Variants in ROBO2 observed in about 807,000 individuals in gnomAD.
ROBO2 encodes the protein roundabout homolog 2.
Under a neutral mutation model 160.8 loss-of-function variants are expected in ROBO2, and 53 were observed. The ratio of observed to expected loss-of-function variants is 0.33; its 90% confidence interval spans 0.26 to 0.41. The LOEUF is 0.41. Among genes scored for constraint, ROBO2 ranks in the 10% least tolerant of loss-of-function variants. The pLI is 1.00. For synonymous variants in ROBO2, 664 were observed against 611.7 expected, an observed-to-expected ratio of 1.09 and a Z score of -1.26; for missense variants, 1,577 against 1,722.4, an observed-to-expected ratio of 0.92 and a Z score of 1.49.
chr3:76,341,405 G>A (rs111567884), intron 2 of ROBO2, among the ~76,000 whole-genome samples: 2 of 111,518 alleles, frequency 1.8e-5, no homozygotes, highest in African/African-American at 7.3e-5. Context: ...AATGCTTTTC[G>A]CTTTTTTAAA....
intron 2 of ROBO2, among the ~76,000 whole-genome samples, chr3:76,781,339 T>C (rs12330773): frequency 0.01 from 1,550 of 150,786 alleles, 22 homozygotes; most frequent in African/African-American, 0.035. Flanking sequence ...ATATATAAGA[T>C]CAGGTTATAT....
intron 2 of ROBO2, among the ~76,000 whole-genome samples, chr3:77,295,324 G>A (rs202207163): frequency 6.7e-6 from 1 of 150,364 alleles, no homozygotes; most frequent in Non-Finnish European, 1.5e-5. Flanking sequence ...AAACGGGTAA[G>A]CTGAGGCTAG....
intron 2 of ROBO2, among the ~76,000 whole-genome samples, chr3:76,939,634 A>T (rs1296215383): frequency 2.0e-5 from 3 of 152,106 alleles, no homozygotes; most frequent in African/African-American, 7.2e-5. Context: ...TGTACAAATT[A>T]TTAGCCAGGC....
At chr3:75,939,082 C>G (rs1576222413) in intron 2 of ROBO2, among the ~76,000 whole-genome samples, 3 of 151,956 alleles carry the variant, frequency 2.0e-5, no homozygotes, top group African/African-American at 7.3e-5. Context: ...TAATAGTGAT[C>G]CAGCATGACG....
intron 2 of ROBO2, among the ~76,000 whole-genome samples, chr3:77,348,569 T>A (rs1394663701): frequency 6.6e-6 from 1 of 152,178 alleles, no homozygotes; most frequent in Non-Finnish European, 1.5e-5. Context: ...CCGGTAAGTT[T>A]CAGCCTTATT....
At chr3:77,416,733 A>T (rs1163780041) in intron 2 of ROBO2, among the ~76,000 whole-genome samples, 1 of 151,732 alleles carries the variant, frequency 6.6e-6, no homozygotes, top group African/African-American at 2.4e-5. Context: ...AAAAAAAAAA[A>T]AAAAGAAAGG....
rs547954633 is a variant in ROBO2, at chr3:76,238,402, C to T, written c.109+300800C>T. ...GCCACTTATACAAAATCATCAGACA[C>T]CTTACTAACTCTCCTGAGAAGAGCA... On this transcript the variant is annotated intron_variant, in intron 2 of 26. Transcript: ENST00000487694. 3.9e-5 allele frequency among the ~76,000 whole-genome samples: 6 copies of T among 152,250 alleles called. No homozygotes were observed. The South Asian group carries it at 1.2e-3, about 32-fold the overall frequency.
At chr3:77,469,809 A>T (rs2083167331) in intron 2 of ROBO2, among the ~76,000 whole-genome samples, 1 of 152,182 alleles carries the variant, frequency 6.6e-6, no homozygotes, top group Non-Finnish European at 1.5e-5. Context: ...TTTATATCAT[A>T]AAAAAGGGGT....
chr3:76,850,264 T>C (rs1412681864), intron 2 of ROBO2, among the ~76,000 whole-genome samples: 1 of 152,164 alleles, frequency 6.6e-6, no homozygotes, highest in African/African-American at 2.4e-5. Context: ...CTTCATCTTC[T>C]CTCTTAGACT....
chr3:76,687,601 A>G (rs1431534311), intron 2 of ROBO2, among the ~76,000 whole-genome samples: 2 of 152,046 alleles, frequency 1.3e-5, no homozygotes, highest in Non-Finnish European at 2.9e-5. Context: ...AGACATCCTT[A>G]TGTAACAGAA....
chr3:76,119,212 T>C (rs190165916), intron 2 of ROBO2, among the ~76,000 whole-genome samples: 183 of 152,338 alleles, frequency 1.2e-3, no homozygotes, highest in Non-Finnish European at 2.0e-3. Flanking sequence ...AAGTAATAGA[T>C]GAATTCGCTG....
At chr3:77,426,608 CTG>C (rs9309768) in intron 2 of ROBO2, among the ~76,000 whole-genome samples, 2,007 of 140,460 alleles carry the variant, frequency 0.014, 35 homozygotes, top group African/African-American at 0.042. Flanking sequence ...ATGTGTGTGT[CTG>C]TGTGTGTGTG....
chr3:76,217,656 T>C (rs1703647039), intron 2 of ROBO2, among the ~76,000 whole-genome samples: 2 of 152,156 alleles, frequency 1.3e-5, no homozygotes, highest in Admixed American at 6.5e-5. Flanking sequence ...GGCTCTGAAA[T>C]TGAGGCAATA....
chr3:77,194,641 T>C (rs11709773), intron 2 of ROBO2, among the ~76,000 whole-genome samples: 29,824 of 152,182 alleles, frequency 0.2, 3,371 homozygotes, highest in Middle Eastern at 0.31. Context: ...TTTACCAATT[T>C]GAAAAAGAAC....
chr3:76,216,372 A>C (rs575909339), intron 2 of ROBO2, among the ~76,000 whole-genome samples: 47 of 152,352 alleles, frequency 3.1e-4, no homozygotes, highest in Non-Finnish European at 5.1e-4. Flanking sequence ...TGCAAATTGG[A>C]TAAAGAGTCA....
At chr3:76,372,361 T>C (rs1238824307) in intron 2 of ROBO2, among the ~76,000 whole-genome samples, 1 of 151,920 alleles carries the variant, frequency 6.6e-6, no homozygotes, top group Non-Finnish European at 1.5e-5. Flanking sequence ...ATGTACCTAG[T>C]ACAATCTAGC....
intron 2 of ROBO2, among the ~76,000 whole-genome samples, chr3:76,435,871 C>T (rs562423987): frequency 8.5e-5 from 13 of 152,262 alleles, no homozygotes; most frequent in African/African-American, 2.9e-4. Flanking sequence ...GATGGTTCTG[C>T]TATAACCAAA....
intron 2 of ROBO2, among the ~76,000 whole-genome samples, chr3:76,268,645 A>G (rs1386568649): frequency 6.6e-6 from 1 of 152,144 alleles, no homozygotes; most frequent in Non-Finnish European, 1.5e-5. Flanking sequence ...AACCTTAATT[A>G]CCTTCAAATA....
chr3:77,380,808 C>A (rs9870610), intron 2 of ROBO2, among the ~76,000 whole-genome samples: 1 of 151,058 alleles, frequency 6.6e-6, no homozygotes, highest in African/African-American at 2.4e-5. Context: ...TCCTTTATTT[C>A]TCTCCGCTGA....
Sources: gnomAD v4.1 joint callset for allele counts (sites outside exome capture counted in the v4.1 genomes callset) on GRCh38, gnomAD v4.1.1 for gene constraint, MANE v1.5 for transcripts, NCBI Gene and HGNC (gene_info 2026-07-23, HGNC 2026-07-21) for gene names.